FAM110B: variants seen among roughly 807,000 people sequenced by gnomAD.
FAM110B encodes the protein family with sequence similarity 110 member B, also known as protein FAM110B.
A neutral mutation model predicts 20.4 loss-of-function variants in FAM110B; 6 were observed. The ratio of observed to expected loss-of-function variants is 0.29; its 90% confidence interval spans 0.16 to 0.58. The LOEUF is 0.58. FAM110B is among the 20% of genes least tolerant of loss of function. The pLI is 0.90. For synonymous variants in FAM110B, 226 were observed against 214.1 expected (o/e 1.06, Z -0.49); for missense variants, 434 against 498.2 (o/e 0.87, Z 1.23).
intron 3 of FAM110B, among the ~76,000 whole-genome samples, chr8:58,119,143 A>G (rs1309272052): frequency 6.6e-6 from 1 of 152,248 alleles, no homozygotes; most frequent in Non-Finnish European, 1.5e-5. Context: ...GTTCGTGTGC[A>G]TGCCCTCCCT....
At chr8:58,035,358 T>G (rs1805056037) in intron 2 of FAM110B, among the ~76,000 whole-genome samples, 1 of 152,250 alleles carries the variant, frequency 6.6e-6, no homozygotes, top group East Asian at 1.9e-4. Flanking sequence ...TTAACAAACT[T>G]TGGCATTCAT....
intron 2 of FAM110B, among the ~76,000 whole-genome samples, chr8:58,055,187 G>A (rs368657192): frequency 6.6e-6 from 1 of 152,148 alleles, no homozygotes; most frequent in African/African-American, 2.4e-5. Flanking sequence ...TCACTGCGGC[G>A]AGTTAGCAGT....
At chr8:58,008,340 C>T (rs1004637124) in intron 1 of FAM110B, among the ~76,000 whole-genome samples, 3 of 152,032 alleles carry the variant, frequency 2.0e-5, no homozygotes, top group Non-Finnish European at 4.4e-5. Context: ...ACCATGTTGG[C>T]CAGGCTGGTC....
At chr8:58,057,531 C>G (rs907943020) in intron 2 of FAM110B, among the ~76,000 whole-genome samples, 1 of 152,194 alleles carries the variant, frequency 6.6e-6, no homozygotes, top group African/African-American at 2.4e-5. Context: ...CAAAATCTCT[C>G]AAACAGACTG....
chr8:58,050,842 AG>A (rs1018648344), intron 2 of FAM110B, among the ~76,000 whole-genome samples: 2 of 152,180 alleles, frequency 1.3e-5, no homozygotes, highest in African/African-American at 4.8e-5. Flanking sequence ...GGCATACACC[AG>A]GGGGTGGGAA....
At chr8:58,011,051 A>G (rs1349199582) in intron 1 of FAM110B, among the ~76,000 whole-genome samples, 1 of 152,196 alleles carries the variant, frequency 6.6e-6, no homozygotes, top group Non-Finnish European at 1.5e-5. Flanking sequence ...TTACAGAAGC[A>G]AAGAAGTCTA....
chr8:58,067,971 G>A (rs1805806671), intron 2 of FAM110B, among the ~76,000 whole-genome samples: 1 of 152,198 alleles, frequency 6.6e-6, no homozygotes, highest in Non-Finnish European at 1.5e-5. Context: ...CCCAAGAAAG[G>A]ACAGTAGCTT....
chr8:58,065,114 T>C (rs1311840105), intron 2 of FAM110B, among the ~76,000 whole-genome samples: 1 of 152,220 alleles, frequency 6.6e-6, no homozygotes, highest in Non-Finnish European at 1.5e-5. Context: ...ACGGCATGCA[T>C]ACTTGAAATT....
intron 3 of FAM110B, chr8:58,113,118 C>T (rs1280241637): frequency 6.6e-6 from 1 of 152,124 alleles, no homozygotes; most frequent in Admixed American, 6.5e-5. Context: ...ATGATTTAAT[C>T]ACCTCCCAAA....
intron 3 of FAM110B, among the ~76,000 whole-genome samples, chr8:58,143,884 C>T (rs1337361256): frequency 1.3e-5 from 2 of 152,224 alleles, no homozygotes; most frequent in African/African-American, 4.8e-5. Context: ...AACTCATCTT[C>T]AGAGAGCGTT....
At chr8:58,107,565 A>G (rs576579548) in intron 3 of FAM110B, among the ~76,000 whole-genome samples, 9 of 152,350 alleles carry the variant, frequency 5.9e-5, no homozygotes, top group Non-Finnish European at 7.3e-5. Flanking sequence ...GTCTAAAATA[A>G]TTGAAACTGT....
At chr8:58,017,214 G>C (rs548345325) in intron 1 of FAM110B, among the ~76,000 whole-genome samples, 1 of 152,168 alleles carries the variant, frequency 6.6e-6, no homozygotes, top group African/African-American at 2.4e-5. Flanking sequence ...CATTTACAAG[G>C]CTTAAGGCAT....
chr8:58,007,616 G>C (rs1804437180), intron 1 of FAM110B, among the ~76,000 whole-genome samples: 1 of 152,192 alleles, frequency 6.6e-6, no homozygotes, highest in Non-Finnish European at 1.5e-5. Context: ...AATGGGATTA[G>C]TGCCCTTGTA....
intron 2 of FAM110B, among the ~76,000 whole-genome samples, chr8:58,035,091 T>TATC (rs1328789414): frequency 6.6e-6 from 1 of 152,220 alleles, no homozygotes; most frequent in South Asian, 2.1e-4. Flanking sequence ...TTTATTCTTA[T>TATC]TAGGTGCTAC....
chr8:58,144,546 AATT>A (rs1334720827), intron 3 of FAM110B, among the ~76,000 whole-genome samples: 1 of 152,232 alleles, frequency 6.6e-6, no homozygotes, highest in Non-Finnish European at 1.5e-5. Flanking sequence ...AGATTACTAA[AATT>A]ATCTCTAACA....
chr8:58,101,395 A>G (rs1248939828), intron 3 of FAM110B, among the ~76,000 whole-genome samples: 3 of 152,200 alleles, frequency 2.0e-5, no homozygotes, highest in African/African-American at 7.2e-5. Flanking sequence ...TGCAGGGTCC[A>G]TTTATTTCTA....
chr8:58,004,040 G>C (rs1219637494), intron 1 of FAM110B, among the ~76,000 whole-genome samples: 1 of 152,158 alleles, frequency 6.6e-6, no homozygotes, highest in Non-Finnish European at 1.5e-5. Context: ...CTGGGGGATG[G>C]GGTGGGGGAG....
intron 2 of FAM110B, among the ~76,000 whole-genome samples, chr8:58,049,276 AT>A (rs1805392857): frequency 6.6e-6 from 1 of 152,138 alleles, no homozygotes; most frequent in South Asian, 2.1e-4. Context: ...GATGGATGAA[AT>A]TTTGTGGTGT....
intron 3 of FAM110B, among the ~76,000 whole-genome samples, chr8:58,102,056 A>T (rs549410011): frequency 6.6e-6 from 1 of 152,364 alleles, no homozygotes; most frequent in South Asian, 2.1e-4. Context: ...GTTATTTTCC[A>T]GACCATCACA....
Sources: allele counts gnomAD v4.1 joint callset (sites outside exome capture counted in the v4.1 genomes callset), GRCh38; gene constraint gnomAD v4.1.1; transcripts MANE v1.5; gene names NCBI Gene and HGNC (gene_info 2026-07-23, HGNC 2026-07-21).